Variants in PIGS observed in about 807,000 individuals in gnomAD.
PIGS encodes GPI-anchor transamidase component PIGS.
In PIGS, 37 loss-of-function variants were observed where a neutral mutation model predicts 58.2. The ratio of observed to expected loss-of-function variants is 0.64; its 90% confidence interval spans 0.49 to 0.84. PIGS has a LOEUF of 0.84. PIGS is among the 40% of genes least tolerant of loss of function. The pLI is 0.00. For missense variants in PIGS, 629 were observed against 710.8 expected (o/e 0.88, Z 1.31); for synonymous variants, 269 against 289.2 (o/e 0.93, Z 0.71).
intron 5 of PIGS, among the ~76,000 whole-genome samples, 170 bp downstream of exon 5, chr17:28,563,260 TC>T (rs2070374543): frequency 6.6e-6 from 1 of 151,668 alleles, no homozygotes; most frequent in Admixed American, 6.6e-5. Flanking sequence ...GCCACTGTAC[TC>T]CAGCCTAGGC....
intron 8 of PIGS, chr17:28,557,318 C>T (rs1353284134): frequency 7.8e-6 from 2 of 257,588 alleles, no homozygotes; most frequent in Non-Finnish European, 1.5e-5. Context: ...TGTCAGTTCC[C>T]TGCTTAATAT....
intron 3 of PIGS, among the ~76,000 whole-genome samples, chr17:28,566,527 G>A (rs1214073916): frequency 6.6e-6 from 1 of 150,974 alleles, no homozygotes; most frequent in Non-Finnish European, 1.5e-5. Context: ...CTGACCTTAA[G>A]TGATTTACCC....
At chr17:28,559,957 A>T (rs2070353077) in intron 7 of PIGS, 92 bp downstream of exon 7, 1 of 1,465,602 alleles carries the variant, frequency 6.8e-7, no homozygotes, top group African/African-American at 1.4e-5. Context: ...ATTCCTAGCA[A>T]ATCAGCAAGC....
chr17:28,556,472 A>G (rs1473228693), intron 9 of PIGS: 1 of 715,420 alleles, frequency 1.4e-6, no homozygotes, highest in East Asian at 2.6e-5. Context: ...TGTAGAACAT[A>G]TTTTTTTCTT....
At chr17:28,557,801 C>A (rs1408936550) in intron 8 of PIGS, among the ~76,000 whole-genome samples, 2 of 152,230 alleles carry the variant, frequency 1.3e-5, no homozygotes, top group Non-Finnish European at 2.9e-5. Context: ...GGTTATTCAA[C>A]CTCAATCAGC....
Position 28,561,544 on chromosome 17 carries a change from C to T in PIGS, c.554G>A (p.Arg185His), listed in dbSNP as rs114961784. Residue 185 changes from arginine to histidine, a missense_variant, in exon 6 of 12, where the codon CGC (arginine) becomes CAC (histidine). Arg to His is a conservative substitution (Grantham distance 29). Coordinates refer to ENST00000308360, the MANE Select transcript of PIGS (RefSeq NM_033198.4). Reference protein sequence around the residue: ...HREAFNIIGRRIVQVAQAMSL... With the variant: ...HREAFNIIGRHIVQVAQAMSL... ...CATGGCCTGGGCCACCTGGACTATG[C>T]GGCGGCCAATGATGTTAAAGGCCTC... 317 of 1,613,804 alleles carry T rather than the reference C, an allele frequency of 2.0e-4. 1 individual carries two copies. The East Asian group carries it at 2.1e-3, about 10-fold the overall frequency.
intron 1 of PIGS, 57 bp from the exon 2 acceptor site, chr17:28,571,245 T>TCCCCGACGCGGAGAAG: frequency 6.3e-7 from 1 of 1,577,852 alleles, no homozygotes; most frequent in Non-Finnish European, 8.6e-7. Flanking sequence ...ACCGGCCCCA[T>TCCCCGACGCGGAGAAG]CCCCGACGCG....
chr17:28,561,612 A>G lies in PIGS; in HGVS notation c.486T>C (p.Ile162=), dbSNP rs1433752800. The change falls in exon 6 of 12, where the codon ATT becomes ATC. Residue 162 remains isoleucine, a synonymous_variant. Transcript: ENST00000308360. The part of the protein sequence containing the change: ...SLLPQDMMSY[I]GPKRTAVVRG... ...GCACCACTGCTGTCCTCTTGGGCCC[A>G]ATGTAGCTCATCATGTCCTGTGGGG... The G allele has an allele frequency of 6.2e-7, 1 of 1,612,776 alleles. No homozygotes were observed. The highest frequency in any genetic ancestry group is 8.5e-7 in the Non-Finnish European group (1 of 1,179,370).
At chr17:28,554,541 A>G (rs1438510388) in intron 11 of PIGS, 46 bp from the exon 12 acceptor site, 3 of 1,585,564 alleles carry the variant, frequency 1.9e-6, no homozygotes, top group African/African-American at 1.3e-5. Context: ...AGTCCTAGGC[A>G]TTGGTGGAAA....
Position 28,561,474 on chromosome 17 carries a change from A to C in PIGS, c.624T>G (p.Leu208=). 6.2e-7 allele frequency: 1 copy of C among 1,614,036 alleles called. No individual in the cohort carries two copies. The highest frequency in any genetic ancestry group is 1.1e-5 in the South Asian group (1 of 91,066). Reference sequence around the variant, plus strand: ...TCTCAGCGCTCCACTTGTCCTCTGGAAGGTGGTCAGCCAGAGCAGCAGCAA... The same window carrying C: ...TCTCAGCGCTCCACTTGTCCTCTGGCAGGTGGTCAGCCAGAGCAGCAGCAA... ...DVLAAALADH[L]PEDKWSAEKR... The change falls in exon 6 of 12, where the codon CTT becomes CTG. Residue 208 remains leucine (L), a synonymous_variant. Coordinates refer to ENST00000308360, the MANE Select transcript of PIGS (RefSeq NM_033198.4).
chr17:28,568,796 T>G (rs927022450), intron 3 of PIGS, among the ~76,000 whole-genome samples: 1 of 152,122 alleles, frequency 6.6e-6, no homozygotes, highest in Non-Finnish European at 1.5e-5. Flanking sequence ...CAATTTTTGT[T>G]TAGAAAACAA....
chr17:28,558,673 A>C, intron 7 of PIGS, 83 bp from the exon 8 acceptor site: 1 of 1,089,838 alleles, frequency 9.2e-7, no homozygotes, highest in Non-Finnish European at 1.4e-6. Flanking sequence ...GCCTTAAAAA[A>C]GACACAATCA....
intron 10 of PIGS, 102 bp downstream of exon 10, chr17:28,556,064 C>A: frequency 8.9e-7 from 1 of 1,118,394 alleles, no homozygotes; most frequent in Admixed American, 1.9e-5. Flanking sequence ...GGGCTCTAGG[C>A]ACAGCCAAGA....
Position 28,561,512 on chromosome 17 carries a change from T to A in PIGS, c.586A>T (p.Thr196Ser). 6 of 1,614,100 alleles carry A rather than the reference T, an allele frequency of 3.7e-6. No individual in the cohort carries two copies. Among genetic ancestry groups the A allele is most frequent in the Non-Finnish European group, 5.1e-6 (6 of 1,179,994 alleles). The change falls in exon 6 of 12, where the codon ACT (threonine) becomes TCT (serine). Residue 196 changes from threonine (T) to serine (S), a missense_variant. Coordinates refer to ENST00000308360, the MANE Select transcript of PIGS (RefSeq NM_033198.4). ...IVQVAQAMSL[T>S]EDVLAAALAD... ...AGAGCAGCAGCAAGCACATCCTCAG[T>A]CAAAGACATGGCCTGGGCCACCTGG...
rs548530429 is a variant in PIGS, at chr17:28,571,027, C to A, written c.174+22G>T. On this transcript the variant is annotated intron_variant, in intron 2 of 11. Coordinates refer to ENST00000308360, the MANE Select transcript of PIGS (RefSeq NM_033198.4). ...CCTTGCCGGGGGGGCTGTCCCCCGA[C>A]CCTCCCGCACAGCAGTCTCACCTGA... 107 of 1,614,146 alleles carry A rather than the reference C, an allele frequency of 6.6e-5. 4 individuals are homozygous for A. The highest frequency in any genetic ancestry group is 6.6e-4 in the South Asian group (60 of 91,088).
intron 4 of PIGS, 119 bp from the exon 5 acceptor site, chr17:28,563,641 G>A: frequency 8.2e-7 from 1 of 1,218,172 alleles, no homozygotes; most frequent in South Asian, 1.3e-5. Context: ...GTCAGGCTTG[G>A]GTAAGCCAAT....
Position 28,553,943 on chromosome 17 carries a change from G to T in PIGS, c.*277C>A. 1 of 474,556 alleles carries T rather than the reference G, an allele frequency of 2.1e-6. No homozygotes were observed. The highest frequency in any genetic ancestry group is 2.2e-5 in the South Asian group (1 of 44,480). The allele number at this position is 474,556 out of a possible 1,614,324, so 29.4% of individuals were successfully genotyped here. ...AAGAACAAACAGTCCTTGCCACAGA[G>T]GGAGACAGGCAGCAGCCTTATCAAA... On this transcript the variant is annotated 3_prime_UTR_variant, in exon 12 of 12. Transcript: ENST00000308360.
intron 7 of PIGS, 140 bp downstream of exon 7, chr17:28,559,909 C>T: frequency 1.8e-6 from 2 of 1,117,790 alleles, no homozygotes; most frequent in African/African-American, 3.2e-5. Flanking sequence ...CCCCCAGTAC[C>T]CACCCTTATG....
In PIGS at chr17:28,556,262, T is replaced by C; in HGVS notation, c.1085A>G (p.Tyr362Cys). 1 of 1,604,610 alleles carries C rather than the reference T, an allele frequency of 6.2e-7. No individual in the cohort carries two copies. The highest frequency in any genetic ancestry group is 8.5e-7 in the Non-Finnish European group (1 of 1,171,300). Residue 362 changes from tyrosine to cysteine, a missense_variant, in exon 10 of 12, where the codon TAT (tyrosine) becomes TGT (cysteine). By Grantham distance (194) the Tyr-to-Cys change is radical. Transcript: ENST00000308360. ...HSPRWGGIMV[Y>C]NVDSKTYNAS... ...ATTATAGGTTTTGGAGTCAACATTATATACCTGAAAGGGGGAATGAGATTG... is the reference window on the plus strand; with the variant it reads ...ATTATAGGTTTTGGAGTCAACATTACATACCTGAAAGGGGGAATGAGATTG...
Sources: allele counts gnomAD v4.1 joint callset (sites outside exome capture counted in the v4.1 genomes callset), GRCh38; gene constraint gnomAD v4.1.1; transcripts MANE v1.5; gene names NCBI Gene and HGNC (gene_info 2026-07-23, HGNC 2026-07-21).